The following EVC variants were observed in gnomAD, a reference collection of about 807,000 sequenced individuals.
EVC encodes EvC ciliary complex subunit 1, also known as evC complex member EVC.
In EVC, 116 loss-of-function variants were observed where a neutral mutation model predicts 118.9. The ratio of observed to expected loss-of-function variants is 0.98; its 90% CI spans 0.84 to 1.14. EVC has a LOEUF of 1.14. EVC is among the 50% of genes most tolerant of loss of function. EVC has a pLI of 0.00. For synonymous variants in EVC, 619 were observed against 534.7 expected, an observed-to-expected ratio of 1.16 and a Z score of -2.18; for missense variants, 1,401 against 1,246.4, an observed-to-expected ratio of 1.12 and a Z score of -1.87.
intron 13 of EVC, among the ~76,000 whole-genome samples, chr4:5,796,119 G>GT (rs1173728143): frequency 3.3e-5 from 5 of 152,224 alleles, no homozygotes; most frequent in Admixed American, 2.0e-4. Context: ...GTTCATGTCA[G>GT]TTATTGTGTT....
chr4:5,731,637 T>C lies in EVC; in HGVS notation c.597T>C (p.Pro199=). ...SRTFLRVNAF[P]EVLACESVDV... is the part of the protein sequence containing the mutation. ...CCTTCCTCCGGGTGAACGCCTTCCCTGAAGTGCTGGCCTGCGAGAGGTAAG... is the reference window on the plus strand; with the variant it reads ...CCTTCCTCCGGGTGAACGCCTTCCCCGAAGTGCTGGCCTGCGAGAGGTAAG... Residue 199 remains proline (P), a synonymous_variant, in exon 4 of 21, where the codon CCT becomes CCC. Transcript: ENST00000264956. The surrounding 1 kb of genome is among the most constrained non-coding windows in gnomAD (Gnocchi z 5.6). The C allele has an allele frequency of 3.1e-6, 5 of 1,614,068 alleles. No individual in the cohort carries two copies. The South Asian group carries it at 5.5e-5, about 18-fold the overall frequency.
At position 5,756,406 on chromosome 4, in the gene EVC, G is replaced by T. The variant is rs1257399651; in HGVS notation, c.1563+44G>T. On this transcript the variant is annotated intron_variant, in intron 11 of 20. Transcript: ENST00000264956. This position sits in a 1 kb window ranked among gnomAD's most constrained non-coding sequence, Gnocchi z 4.2. ...GACCAGCAGAGAAGCCCCAGGGTCT[G>T]TGTGTGTGCGAGAACCTCACATCCT... 1 of 1,515,116 alleles carries T rather than the reference G, an allele frequency of 6.6e-7. No individual in the cohort carries two copies. Among genetic ancestry groups the T allele is most frequent in the Non-Finnish European group, 9.0e-7 (1 of 1,105,876 alleles). 93.9% of individuals were successfully genotyped at this position (1,515,116 alleles called of 1,614,324 possible).
At chr4:5,752,067 G>A (rs1255418552) in intron 8 of EVC, among the ~76,000 whole-genome samples, 5 of 152,200 alleles carry the variant, frequency 3.3e-5, no homozygotes, top group Admixed American at 3.3e-4. Context: ...ATGGGAGGCT[G>A]GGGAGCAGGA....
At chr4:5,776,576 C>T (rs1181008515) in intron 11 of EVC, among the ~76,000 whole-genome samples, 1 of 152,110 alleles carries the variant, frequency 6.6e-6, no homozygotes, top group East Asian at 1.9e-4. Context: ...TTCATTATCT[C>T]TTCAAATACT....
intron 5 of EVC, among the ~76,000 whole-genome samples, 166 bp from the exon 6 acceptor site, chr4:5,741,550 G>A (rs981109163): frequency 2.0e-4 from 30 of 152,210 alleles, no homozygotes; most frequent in African/African-American, 6.0e-4. Flanking sequence ...ATTTATAATC[G>A]GAGTTCCTTT....
At chr4:5,794,287 A>G (rs964194182) in intron 13 of EVC, among the ~76,000 whole-genome samples, 223 of 140,024 alleles carry the variant, frequency 1.6e-3, no homozygotes, top group African/African-American at 5.5e-3. Context: ...ATTTATATAT[A>G]TTTTTATATA....
intron 11 of EVC, among the ~76,000 whole-genome samples, chr4:5,761,488 A>G (rs1042251712): frequency 2.9e-5 from 4 of 140,118 alleles, no homozygotes; most frequent in African/African-American, 7.8e-5. Flanking sequence ...ATTTTCCTTT[A>G]AAAAGGCGGG....
At chr4:5,758,783 A>G (rs1731564667) in intron 11 of EVC, among the ~76,000 whole-genome samples, 1 of 152,214 alleles carries the variant, frequency 6.6e-6, no homozygotes, top group African/African-American at 2.4e-5. Flanking sequence ...CACCCCAACC[A>G]TGCTGCTCAG....
At chr4:5,802,361 G>T (rs1166534492) in intron 16 of EVC, among the ~76,000 whole-genome samples, 1 of 152,164 alleles carries the variant, frequency 6.6e-6, no homozygotes, top group East Asian at 1.9e-4. Flanking sequence ...GATGGAGTCA[G>T]GGCCAGGGCT....
intron 14 of EVC, 159 bp downstream of exon 14, chr4:5,797,391 C>G (rs1310264765): frequency 2.9e-6 from 2 of 682,468 alleles, no homozygotes; most frequent in East Asian, 2.7e-5. Context: ...GTCCCACAGA[C>G]CGGGCAGCTT....
Position 5,741,792 on chromosome 4 carries a change from A to AT in EVC, c.779_780insT (p.Lys260AsnfsTer31). 6.6e-7 allele frequency: 1 copy of AT among 1,519,824 alleles called. No homozygotes were observed. The highest frequency in any genetic ancestry group is 9.1e-7 in the Non-Finnish European group (1 of 1,095,902). 94.1% of individuals were successfully genotyped at this position (1,519,824 alleles called of 1,614,324 possible). A position where few individuals can be genotyped will look rare whatever the true frequency, so the allele number is the denominator to read the frequency against. ...AAGTCAGATGATGAACTATACCAGA[A>AT]GATCCTTTCAAAACAAGAAAAAGTA... On this transcript the variant is annotated frameshift_variant, in exon 6 of 21. Transcript: ENST00000264956. LOFTEE classifies it high-confidence loss of function.
intron 2 of EVC, among the ~76,000 whole-genome samples, chr4:5,726,355 T>C (rs1430758438): frequency 6.6e-6 from 1 of 152,148 alleles, no homozygotes; most frequent in African/African-American, 2.4e-5. Context: ...TTCCAAAGCA[T>C]TGATTCAGCA....
intron 5 of EVC, among the ~76,000 whole-genome samples, chr4:5,740,496 A>G (rs1037133247): frequency 6.6e-6 from 1 of 151,898 alleles, no homozygotes; most frequent in Non-Finnish European, 1.5e-5. Flanking sequence ...AAGAAAAAGA[A>G]AAAATATAAG....
At chr4:5,723,781 C>G (rs970941325) in intron 2 of EVC, among the ~76,000 whole-genome samples, 2 of 152,130 alleles carry the variant, frequency 1.3e-5, no homozygotes, top group Admixed American at 6.5e-5. Flanking sequence ...TCTGCTGTCA[C>G]TATCTTGAAA....
chr4:5,823,836 A>G, the EVC span, among the ~76,000 whole-genome samples: 6 of 152,334 alleles, frequency 3.9e-5, no homozygotes, highest in African/African-American at 1.2e-4. Context: ...CCTTTATAGC[A>G]ATGTAAATGG....
chr4:5,756,651 C>T lies in EVC; in HGVS notation c.1563+289C>T, dbSNP rs890961070. On this transcript the variant is annotated intron_variant, in intron 11 of 20. Coordinates refer to ENST00000264956, the MANE Select transcript of EVC (RefSeq NM_153717.3). This position sits in a 1 kb window ranked among gnomAD's most constrained non-coding sequence, Gnocchi z 4.2. The stretch of plus-strand genomic sequence containing the variant: ...AAGCTCTTTGGAAATCCGTTCTCCC[C>T]AGGTGAGAAATAGGCCCAGGGTTTC... 3.3e-5 allele frequency among the ~76,000 whole-genome samples: 5 copies of T among 152,188 alleles called. No homozygotes were observed. Among genetic ancestry groups the T allele is most frequent in the African/African-American group, 1.2e-4 (5 of 41,446 alleles).
At chr4:5,808,137 C>CCCTCCCTCCCTCCCTCCCTCCCTTCCTT (rs1716248646) in intron 17 of EVC, 64 bp from the exon 18 acceptor site, 2 of 263,286 alleles carry the variant, frequency 7.6e-6, no homozygotes, top group South Asian at 2.5e-5. Flanking sequence ...CCTTCTCCCT[C>CCCTCCCTCCCTCCCTCCCTCCCTTCCTT]CCTCCCTCCC....
At chr4:5,823,403 C>T in the EVC span, among the ~76,000 whole-genome samples, 7 of 152,316 alleles carry the variant, frequency 4.6e-5, no homozygotes, top group South Asian at 1.2e-3. Context: ...ACCATCTGTA[C>T]CTTGCTGGTT....
chr4:5,794,251 T>TTATATATTTATATATATTTA (rs1373702921), intron 13 of EVC, among the ~76,000 whole-genome samples: 61 of 31,274 alleles, frequency 2.0e-3, no homozygotes, highest in East Asian at 4.0e-3. Flanking sequence ...ATATATATAT[T>TTATATATTTATATATATTTA]TATATGTATT....
Sources: allele counts gnomAD v4.1 joint callset (sites outside exome capture counted in the v4.1 genomes callset), GRCh38; gene constraint gnomAD v4.1.1; non-coding constraint Gnocchi (gnomAD v3.1); transcripts MANE v1.5; gene names NCBI Gene and HGNC (gene_info 2026-07-23, HGNC 2026-07-21).